The following CNTNAP4 variants were observed in gnomAD, a reference collection of about 807,000 sequenced individuals.
CNTNAP4 encodes the protein contactin associated protein family member 4, also known as contactin-associated protein-like 4.
CNTNAP4 carries 98 observed loss-of-function variants against 148.4 expected under a neutral mutation model. The ratio of observed to expected loss-of-function variants is 0.66; its 90% CI spans 0.56 to 0.78. The LOEUF (loss-of-function observed/expected upper bound fraction) is 0.78. Among genes scored for constraint, CNTNAP4 ranks in the 30% least tolerant of loss-of-function variants. The pLI, the probability that CNTNAP4 is intolerant of heterozygous loss-of-function variation, is 0.00. For synonymous variants in CNTNAP4, 730 were observed against 565.1 expected, an observed-to-expected ratio of 1.29 and a Z score of -4.14; for missense variants, 1,935 against 1,565.6, an observed-to-expected ratio of 1.24 and a Z score of -3.98.
chr16:76,422,313 G>A (rs2079218905), intron 3 of CNTNAP4, among the ~76,000 whole-genome samples: 1 of 151,872 alleles, frequency 6.6e-6, no homozygotes. Flanking sequence ...TGTCTATTAG[G>A]AGGTTACTAT....
chr16:76,494,727 T>C (rs2082339933), intron 13 of CNTNAP4, among the ~76,000 whole-genome samples, 183 bp from the exon 14 acceptor site: 2 of 152,128 alleles, frequency 1.3e-5, no homozygotes, highest in African/African-American at 4.8e-5. Context: ...AACTTTTTTA[T>C]AAAAAAAGTG....
chr16:76,524,654 C>T (rs968210176), intron 17 of CNTNAP4, among the ~76,000 whole-genome samples: 1 of 152,120 alleles, frequency 6.6e-6, no homozygotes, highest in African/African-American at 2.4e-5. Flanking sequence ...TAACATCGAT[C>T]ATGTGATACA....
At chr16:76,460,773 A>AAAATATATATATATAT in intron 8 of CNTNAP4, among the ~76,000 whole-genome samples, 2 of 57,326 alleles carry the variant, frequency 3.5e-5, no homozygotes, top group East Asian at 1.0e-3. Context: ...AAAAAAAAAA[A>AAAATATATATATATAT]ATATATATAT....
chr16:76,287,469 T>G (rs1958934729), intron 1 of CNTNAP4, among the ~76,000 whole-genome samples: 1 of 152,238 alleles, frequency 6.6e-6, no homozygotes, highest in Non-Finnish European at 1.5e-5. Flanking sequence ...AGTTTCTTTA[T>G]ATTTATGTAT....
chr16:76,370,971 CA>C (rs959854781), intron 3 of CNTNAP4, among the ~76,000 whole-genome samples: 5 of 37,750 alleles, frequency 1.3e-4, no homozygotes, highest in African/African-American at 3.2e-4. Context: ...CAAAGCTAGC[CA>C]AGAACAGTCT....
chr16:76,392,631 G>T (rs1443084916), intron 3 of CNTNAP4, among the ~76,000 whole-genome samples: 1 of 152,152 alleles, frequency 6.6e-6, no homozygotes, highest in Non-Finnish European at 1.5e-5. Flanking sequence ...ACACTAGCAG[G>T]TCTGCTCAAG....
intron 2 of CNTNAP4, among the ~76,000 whole-genome samples, chr16:76,354,230 A>C (rs538879415): frequency 1.3e-5 from 2 of 152,348 alleles, no homozygotes; most frequent in South Asian, 2.1e-4. Context: ...TTACTTACAT[A>C]ATCAGCAATG....
At chr16:76,446,827 G>C (rs766133522) in intron 4 of CNTNAP4, among the ~76,000 whole-genome samples, 1 of 152,048 alleles carries the variant, frequency 6.6e-6, no homozygotes. Flanking sequence ...TATAGACCTC[G>C]TTAACATACT....
rs540193484 is a variant in CNTNAP4, at chr16:76,317,612, A to G, written c.196+1089A>G. Among the ~76,000 whole-genome samples, 3 of 152,332 alleles carry G rather than the reference A, an allele frequency of 2.0e-5. No homozygotes were observed. The South Asian group carries it at 6.2e-4, about 32-fold the overall frequency. ...TTTATTATCCTCCTCTCGTGGCAAC[A>G]TCAGTCAGTCACTTCTAATTTTACT... On this transcript the variant is annotated intron_variant, in intron 2 of 23. Coordinates refer to ENST00000611870, the MANE Select transcript of CNTNAP4 (RefSeq NM_033401.5).
chr16:76,330,005 T>C (rs1963363572), intron 2 of CNTNAP4, among the ~76,000 whole-genome samples: 1 of 152,182 alleles, frequency 6.6e-6, no homozygotes, highest in South Asian at 2.1e-4. Flanking sequence ...GTGCAGACAC[T>C]TCCCACACCT....
chr16:76,522,148 A>G lies in CNTNAP4; in HGVS notation c.2646A>G (p.Glu882=). The change falls in exon 17 of 24, where the codon GAA becomes GAG. Residue 882 remains glutamate, a synonymous_variant. Transcript: ENST00000611870. ...NDNQWHHVRV[E]RNMKEASLQV... Reference sequence around the variant, plus strand: ...ACCAGTGGCACCATGTGAGGGTTGAAAGGAACATGAAGGAGGCCTCCCTTC... The same window carrying G: ...ACCAGTGGCACCATGTGAGGGTTGAGAGGAACATGAAGGAGGCCTCCCTTC... 1 of 1,613,962 alleles carries G rather than the reference A, an allele frequency of 6.2e-7. No homozygotes were observed. The highest frequency in any genetic ancestry group is 8.5e-7 in the Non-Finnish European group (1 of 1,179,872).
At position 76,388,552 on chromosome 16, in the gene CNTNAP4, A is replaced by G. The variant is rs189365031; in HGVS notation, c.390+33041A>G. ...CACAAGGTAAAATGCACACAAAGTA[A>G]ACAAACAAAACTTAAGCTATCTAAA... On this transcript the variant is annotated intron_variant, in intron 3 of 23. Transcript: ENST00000611870. Among the ~76,000 whole-genome samples, 74 of 152,348 alleles carry G rather than the reference A, an allele frequency of 4.9e-4. 1 individual carries two copies. Among genetic ancestry groups the G allele is most frequent in the Middle Eastern group, 3.4e-3 (1 of 294 alleles).
intron 1 of CNTNAP4, among the ~76,000 whole-genome samples, chr16:76,279,658 T>C (rs1036100845): frequency 2.0e-5 from 3 of 152,290 alleles, no homozygotes; most frequent in Middle Eastern, 3.4e-3. Flanking sequence ...AAAAAACATT[T>C]AAAGTTGGAG....
At chr16:76,460,773 A>AAAAAAAAAAAAAAAAAAT in intron 8 of CNTNAP4, among the ~76,000 whole-genome samples, 3 of 57,324 alleles carry the variant, frequency 5.2e-5, no homozygotes, top group Non-Finnish European at 9.8e-5. Flanking sequence ...AAAAAAAAAA[A>AAAAAAAAAAAAAAAAAAT]ATATATATAT....
chr16:76,409,770 G>A (rs187167406), intron 3 of CNTNAP4, among the ~76,000 whole-genome samples: 8 of 151,922 alleles, frequency 5.3e-5, no homozygotes, highest in East Asian at 3.9e-4. Context: ...ATAGAGAGGC[G>A]TTGCTATTTC....
chr16:76,317,270 A>C (rs1314484391), intron 2 of CNTNAP4, among the ~76,000 whole-genome samples: 1 of 104,636 alleles, frequency 9.6e-6, no homozygotes, highest in Non-Finnish European at 1.9e-5. Context: ...AAAAACAAAA[A>C]AAAAAACCAA....
rs146890407 is a variant in CNTNAP4 at position 76,530,557 on chromosome 16, C to A, written c.2756-4988C>A. 4.6e-3 allele frequency among the ~76,000 whole-genome samples: 707 copies of A among 152,286 alleles called. 4 individuals carry two copies. The highest frequency in any genetic ancestry group is 0.017 in the African/African-American group (687 of 41,546). ...TTAGCATGGTCAAACTAGAGACTCGCTCTGGCTTCAGTGTGTGCGAAGTCT... is the reference window on the plus strand; with the variant it reads ...TTAGCATGGTCAAACTAGAGACTCGATCTGGCTTCAGTGTGTGCGAAGTCT... On this transcript the variant is annotated intron_variant, in intron 17 of 23. Coordinates refer to ENST00000611870, the MANE Select transcript of CNTNAP4 (RefSeq NM_033401.5).
Position 76,384,120 on chromosome 16 carries a change from T to G in CNTNAP4, c.390+28609T>G, listed in dbSNP as rs1348895537. 2.0e-5 allele frequency among the ~76,000 whole-genome samples: 3 copies of G among 152,124 alleles called. No homozygotes were observed. In the East Asian group the frequency reaches 5.8e-4, roughly 29 times the overall value. On this transcript the variant is annotated intron_variant, in intron 3 of 23. Coordinates refer to ENST00000611870, the MANE Select transcript of CNTNAP4 (RefSeq NM_033401.5). Reference sequence around the variant, plus strand: ...GTGCAGTGGCACTATCTTGGCTCGCTGCAACCTCCGCCTCCCAGGTTCAAG... The same window carrying G: ...GTGCAGTGGCACTATCTTGGCTCGCGGCAACCTCCGCCTCCCAGGTTCAAG...
At position 76,545,584 on chromosome 16, in the gene CNTNAP4, C is replaced by G. The variant is rs200313769; in HGVS notation, c.3442+4794C>G. ...AATAACACATAGAGCTCTACTTACA[C>G]TAAAAAAAAATACCAAATGATAAAA... On this transcript the variant is annotated intron_variant, in intron 21 of 23. Coordinates refer to ENST00000611870, the MANE Select transcript of CNTNAP4 (RefSeq NM_033401.5). Among the ~76,000 whole-genome samples the G allele has an allele frequency of 7.1e-4, 61 of 86,424 alleles. No homozygotes were observed. In the East Asian group the frequency reaches 0.015, roughly 21 times the overall value. The allele number at this position is 86,424 out of a possible 152,430, so 56.7% of individuals were successfully genotyped here.
Sources: allele counts gnomAD v4.1 joint callset (sites outside exome capture counted in the v4.1 genomes callset), GRCh38; gene constraint gnomAD v4.1.1; transcripts MANE v1.5; gene names NCBI Gene and HGNC (gene_info 2026-07-23, HGNC 2026-07-21).